GABRG3: variants seen among roughly 807,000 people sequenced by gnomAD.
GABRG3 encodes the protein gamma-aminobutyric acid type A receptor subunit gamma3, also known as gamma-aminobutyric acid receptor subunit gamma-3.
GABRG3 carries 25 observed loss-of-function variants against 48.8 expected under a neutral mutation model. The ratio of observed to expected loss-of-function variants is 0.51; its 90% CI spans 0.37 to 0.72. The LOEUF (loss-of-function observed/expected upper bound fraction) is 0.72, where lower values mean the gene tolerates loss of function less well. GABRG3 is among the 30% of genes least tolerant of loss of function. The pLI is 0.00. For synonymous variants in GABRG3, 227 were observed against 217.6 expected, an observed-to-expected ratio of 1.04 and a Z score of -0.38; for missense variants, 394 against 577.9, an observed-to-expected ratio of 0.68 and a Z score of 3.26.
chr15:27,183,328 A>C (rs1887993739), intron 3 of GABRG3, among the ~76,000 whole-genome samples: 1 of 152,218 alleles, frequency 6.6e-6, no homozygotes, highest in African/African-American at 2.4e-5. Context: ...TTGGCTTTGC[A>C]GCTTATGTTT....
chr15:27,229,230 T>C (rs1382026993), intron 3 of GABRG3, among the ~76,000 whole-genome samples: 1 of 152,142 alleles, frequency 6.6e-6, no homozygotes, highest in African/African-American at 2.4e-5. Context: ...CCATCTTGAG[T>C]TGATTCTTGT....
At chr15:27,105,926 A>G (rs971864704) in intron 3 of GABRG3, among the ~76,000 whole-genome samples, 2 of 152,116 alleles carry the variant, frequency 1.3e-5, no homozygotes, top group East Asian at 1.9e-4. Flanking sequence ...TGTATATACA[A>G]TGCAATATTA....
At chr15:27,194,432 A>C (rs1298464125) in intron 3 of GABRG3, among the ~76,000 whole-genome samples, 1 of 152,038 alleles carries the variant, frequency 6.6e-6, no homozygotes. Context: ...TCCTTTAGCA[A>C]CTCCTTAAGG....
At chr15:27,126,567 G>A (rs558639791) in intron 3 of GABRG3, among the ~76,000 whole-genome samples, 3 of 152,304 alleles carry the variant, frequency 2.0e-5, no homozygotes, top group African/African-American at 4.8e-5. Flanking sequence ...CCATGGAAGC[G>A]ATGGGTGTCA....
At chr15:27,276,924 C>G (rs1255599982) in intron 3 of GABRG3, among the ~76,000 whole-genome samples, 8 of 152,278 alleles carry the variant, frequency 5.3e-5, no homozygotes, top group Admixed American at 4.6e-4. Flanking sequence ...ATCACTTCTT[C>G]CCAGCTAAAA....
intron 5 of GABRG3, among the ~76,000 whole-genome samples, chr15:27,376,220 C>G (rs1464651589): frequency 6.6e-6 from 1 of 152,238 alleles, no homozygotes; most frequent in Non-Finnish European, 1.5e-5. Context: ...ACTCCCATGG[C>G]TTGGGTGGTT....
At chr15:27,322,614 G>A (rs1053885998) in intron 3 of GABRG3, among the ~76,000 whole-genome samples, 5 of 152,150 alleles carry the variant, frequency 3.3e-5, no homozygotes, top group African/African-American at 4.8e-5. Context: ...CAGAAGGGTC[G>A]TTACATTTAA....
At chr15:27,452,422 C>T (rs1228929134) in intron 5 of GABRG3, among the ~76,000 whole-genome samples, 7 of 152,130 alleles carry the variant, frequency 4.6e-5, no homozygotes, top group Admixed American at 3.3e-4. Flanking sequence ...CCAATACCCC[C>T]ACAGTGGAAA....
chr15:27,423,721 C>CTTTTTTTTTTT (rs542775399), intron 5 of GABRG3, among the ~76,000 whole-genome samples: 7 of 81,778 alleles, frequency 8.6e-5, no homozygotes, highest in East Asian at 7.2e-4. Context: ...TTTTCTTTTC[C>CTTTTTTTTTTT]TTTTTTTTTT....
intron 2 of GABRG3, among the ~76,000 whole-genome samples, chr15:26,979,270 C>T (rs1895008652): frequency 6.6e-6 from 1 of 152,026 alleles, no homozygotes; most frequent in Non-Finnish European, 1.5e-5. Context: ...CTATGTACAC[C>T]ATCATTGTCA....
chr15:27,121,016 G>A (rs139910493), intron 3 of GABRG3, among the ~76,000 whole-genome samples: 66 of 152,310 alleles, frequency 4.3e-4, no homozygotes, highest in Non-Finnish European at 7.9e-4. Context: ...CATTCAGAGA[G>A]TCTGCTGCCT....
At chr15:27,342,926 T>C (rs1894237249) in intron 5 of GABRG3, among the ~76,000 whole-genome samples, 1 of 152,186 alleles carries the variant, frequency 6.6e-6, no homozygotes, top group East Asian at 1.9e-4. Context: ...AAGCACAAGG[T>C]ACAGGGCTGG....
intron 5 of GABRG3, among the ~76,000 whole-genome samples, chr15:27,334,199 T>G (rs1893890000): frequency 6.6e-6 from 1 of 152,184 alleles, no homozygotes; most frequent in Non-Finnish European, 1.5e-5. Flanking sequence ...TTAAGTCAAC[T>G]AAAAAATTAA....
chr15:27,383,275 T>C (rs1019836647), intron 5 of GABRG3, among the ~76,000 whole-genome samples: 1 of 152,240 alleles, frequency 6.6e-6, no homozygotes, highest in African/African-American at 2.4e-5. Context: ...CATGAGAGTA[T>C]TAAGTCTGTT....
At chr15:27,143,708 G>A (rs1453669744) in intron 3 of GABRG3, among the ~76,000 whole-genome samples, 2 of 152,222 alleles carry the variant, frequency 1.3e-5, no homozygotes, top group South Asian at 2.1e-4. Context: ...TGGGGTGAGC[G>A]ACCATAACAA....
intron 2 of GABRG3, among the ~76,000 whole-genome samples, chr15:27,010,834 T>G (rs1895671515): frequency 6.6e-6 from 1 of 152,010 alleles, no homozygotes. Flanking sequence ...TGAGGTTGTT[T>G]TTGTTTGTTT....
chr15:27,221,994 A>G (rs1447870760), intron 3 of GABRG3, among the ~76,000 whole-genome samples: 2 of 152,224 alleles, frequency 1.3e-5, no homozygotes, highest in Non-Finnish European at 2.9e-5. Context: ...GAAGTTCTAC[A>G]TTATTTTTAA....
intron 5 of GABRG3, among the ~76,000 whole-genome samples, chr15:27,400,418 CT>C (rs1377107342): frequency 2.0e-5 from 3 of 152,222 alleles, no homozygotes; most frequent in African/African-American, 7.2e-5. Flanking sequence ...CTTTAAAATA[CT>C]GTCTTACAAT....
rs973876491 is a variant in GABRG3, at chr15:26,976,469, G to C, written c.54-533G>C. 6.6e-6 allele frequency among the ~76,000 whole-genome samples: 1 copy of C among 152,122 alleles called. No homozygotes were observed. Among genetic ancestry groups the C allele is most frequent in the Non-Finnish European group, 1.5e-5 (1 of 68,024 alleles). On this transcript the variant is annotated intron_variant, in intron 1 of 9. Coordinates refer to ENST00000615808, the MANE Select transcript of GABRG3 (RefSeq NM_033223.5). The surrounding 1 kb of genome is among the most constrained non-coding windows in gnomAD (Gnocchi z 7.8). Reference sequence around the variant, plus strand: ...CCGGCAAAGCAGACCCCCTCACAATGCTCAAGTGCCTAGACCCCCAGATTC... The same window carrying C: ...CCGGCAAAGCAGACCCCCTCACAATCCTCAAGTGCCTAGACCCCCAGATTC...
Sources: gnomAD v4.1 joint callset for allele counts (sites outside exome capture counted in the v4.1 genomes callset) on GRCh38, gnomAD v4.1.1 for gene constraint, Gnocchi (gnomAD v3.1) non-coding constraint, MANE v1.5 for transcripts, NCBI Gene and HGNC (gene_info 2026-07-23, HGNC 2026-07-21) for gene names.